Variants in DDX4 observed in about 807,000 individuals in gnomAD.
DDX4 encodes probable ATP-dependent RNA helicase DDX4.
Under a neutral mutation model 100.0 loss-of-function variants are expected in DDX4, and 25 were observed. The observed-to-expected ratio is 0.25, with a 90% CI of 0.18 to 0.35. DDX4 has a LOEUF of 0.35. DDX4 is among the 10% of genes least tolerant of loss of function. The pLI, the probability that DDX4 is intolerant of heterozygous loss-of-function variation, is 1.00. For missense variants in DDX4, 635 were observed against 882.4 expected, an observed-to-expected ratio of 0.72 and a Z score of 3.55; for synonymous variants, 259 against 275.7, an observed-to-expected ratio of 0.94 and a Z score of 0.60.
intron 18 of DDX4, among the ~76,000 whole-genome samples, chr5:55,807,433 T>G (rs1477489614): frequency 6.6e-6 from 1 of 152,252 alleles, no homozygotes; most frequent in African/African-American, 2.4e-5. Flanking sequence ...GTCTTTACAA[T>G]TTGGCATGTT....
intron 2 of DDX4, among the ~76,000 whole-genome samples, chr5:55,740,299 C>G (rs1227370984): frequency 6.6e-6 from 1 of 151,742 alleles, no homozygotes; most frequent in Admixed American, 6.6e-5. Flanking sequence ...CCTCCCTCAG[C>G]GAGACTACAG....
At chr5:55,745,800 T>C (rs577533237) in intron 2 of DDX4, among the ~76,000 whole-genome samples, 1 of 152,332 alleles carries the variant, frequency 6.6e-6, no homozygotes, top group South Asian at 2.1e-4. Context: ...AAACCCTTTC[T>C]ATAAAGGGCC....
intron 3 of DDX4, among the ~76,000 whole-genome samples, chr5:55,751,184 T>A (rs944191476): frequency 3.9e-5 from 6 of 152,226 alleles, no homozygotes; most frequent in African/African-American, 1.4e-4. Context: ...TTGACATTTT[T>A]AATTTTAATT....
chr5:55,805,262 T>C (rs1415732280), intron 18 of DDX4, among the ~76,000 whole-genome samples: 1 of 152,180 alleles, frequency 6.6e-6, no homozygotes, highest in East Asian at 1.9e-4. Flanking sequence ...AGTCATGTCA[T>C]CTGCAAACAG....
intron 2 of DDX4, chr5:55,742,182 A>G (rs980246603): frequency 5.7e-5 from 26 of 456,334 alleles, no homozygotes; most frequent in Non-Finnish European, 1.1e-4. Context: ...TATAGTCCAG[A>G]AATCTCAACC....
At chr5:55,774,717 A>G (rs1434205069) in intron 7 of DDX4, among the ~76,000 whole-genome samples, 3 of 151,950 alleles carry the variant, frequency 2.0e-5, no homozygotes, top group Admixed American at 6.6e-5. Flanking sequence ...TGGGGGTCCA[A>G]ATTCTTTTGC....
At chr5:55,771,691 T>A (rs1054392276) in intron 7 of DDX4, among the ~76,000 whole-genome samples, 3 of 152,192 alleles carry the variant, frequency 2.0e-5, no homozygotes, top group Admixed American at 6.5e-5. Flanking sequence ...TTCTAACCAA[T>A]GCTTGGTATT....
chr5:55,760,067 C>A, intron 3 of DDX4, 133 bp from the exon 4 acceptor site: 250 of 550,880 alleles, frequency 4.5e-4, no homozygotes, highest in East Asian at 7.3e-4. Flanking sequence ...TTTTTTTTTA[C>A]TGGGCTGTTT....
Position 55,760,288 on chromosome 5 carries a change from T to G in DDX4, c.205+11T>G. On this transcript the variant is annotated intron_variant, in intron 4 of 21. Coordinates refer to ENST00000505374, the MANE Select transcript of DDX4 (RefSeq NM_024415.3). ...ATTTTGGAAACAGAGGTAAGCATCTTTGTCTTTCCTTAATCTCCTGAACTG... is the reference window on the plus strand; with the variant it reads ...ATTTTGGAAACAGAGGTAAGCATCTGTGTCTTTCCTTAATCTCCTGAACTG... 1 of 1,546,900 alleles carries G rather than the reference T, an allele frequency of 6.5e-7. No homozygotes were observed. The highest frequency in any genetic ancestry group is 8.7e-7 in the Non-Finnish European group (1 of 1,155,922).
chr5:55,758,036 C>T (rs997337656), intron 3 of DDX4, among the ~76,000 whole-genome samples: 2 of 152,186 alleles, frequency 1.3e-5, no homozygotes, highest in Admixed American at 1.3e-4. Flanking sequence ...CAGAGCAAGA[C>T]TCCATCTCAA....
At chr5:55,802,933 TTTC>T (rs1447636057) in intron 18 of DDX4, among the ~76,000 whole-genome samples, 1 of 151,670 alleles carries the variant, frequency 6.6e-6, no homozygotes, top group Non-Finnish European at 1.5e-5. Flanking sequence ...GCTTATTTTC[TTTC>T]TTTTTTTTTA....
At chr5:55,813,948 C>T (rs781621611) in intron 19 of DDX4, among the ~76,000 whole-genome samples, 176 bp downstream of exon 19, 15 of 152,102 alleles carry the variant, frequency 9.9e-5, no homozygotes, top group Non-Finnish European at 2.1e-4. Context: ...GAGTACTAAA[C>T]TATTATTTTT....
intron 18 of DDX4, among the ~76,000 whole-genome samples, chr5:55,805,294 T>G (rs1743621859): frequency 6.6e-6 from 1 of 152,096 alleles, no homozygotes; most frequent in South Asian, 2.1e-4. Flanking sequence ...CTTCCTCTTT[T>G]CCTAATTGAA....
At chr5:55,776,429 A>C (rs994166379) in intron 7 of DDX4, among the ~76,000 whole-genome samples, 1 of 152,226 alleles carries the variant, frequency 6.6e-6, no homozygotes, top group Non-Finnish European at 1.5e-5. Context: ...TTAGAGAGGC[A>C]CAAGAGTCCT....
chr5:55,742,526 T>A (rs1009462569), intron 2 of DDX4, among the ~76,000 whole-genome samples: 1 of 152,178 alleles, frequency 6.6e-6, no homozygotes, highest in Non-Finnish European at 1.5e-5. Context: ...ATTACAAAAT[T>A]GAAAGTAAGA....
rs757473435 is a variant in DDX4 at position 55,793,071 on chromosome 5, T to TG, written c.1469+264_1469+265insG. 1.6e-3 allele frequency among the ~76,000 whole-genome samples: 242 copies of TG among 150,140 alleles called. 1 individual carries two copies. The highest frequency in any genetic ancestry group is 6.2e-3 in the East Asian group (31 of 5,026). ...GTGTGTGTGTTTGTGTGTGTTGTTG[T>TG]TGTTGTTGCATAGAATCCAGCTAGG... On this transcript the variant is annotated intron_variant, in intron 17 of 21. Transcript: ENST00000505374.
chr5:55,766,338 C>T (rs1342263561), intron 6 of DDX4, among the ~76,000 whole-genome samples: 4 of 151,962 alleles, frequency 2.6e-5, no homozygotes, highest in African/African-American at 9.7e-5. Context: ...TATTTTTATT[C>T]CCACTGTGAT....
chr5:55,807,284 AGTCTTT>A (rs879475215), intron 18 of DDX4, among the ~76,000 whole-genome samples: 1 of 152,170 alleles, frequency 6.6e-6, no homozygotes, highest in Non-Finnish European at 1.5e-5. Flanking sequence ...CCAGTTTGCC[AGTCTTT>A]GTCTTTTAAT....
chr5:55,774,476 G>A (rs1014871366), intron 7 of DDX4, among the ~76,000 whole-genome samples: 1 of 152,008 alleles, frequency 6.6e-6, no homozygotes, highest in African/African-American at 2.4e-5. Flanking sequence ...AACCTCCTGT[G>A]GGTTGTCTTT....
Sources: gnomAD v4.1 joint callset for allele counts (sites outside exome capture counted in the v4.1 genomes callset) on GRCh38, gnomAD v4.1.1 for gene constraint, MANE v1.5 for transcripts, NCBI Gene and HGNC (gene_info 2026-07-23, HGNC 2026-07-21) for gene names.